The following RORA variants were observed in gnomAD, a reference collection of about 807,000 sequenced individuals.
The protein encoded by RORA is RAR related orphan receptor A, also known as nuclear receptor ROR-alpha.
RORA carries 7 observed loss-of-function variants against 69.5 expected under a neutral mutation model. The ratio of observed to expected loss-of-function variants is 0.10; its 90% CI spans 0.06 to 0.19. RORA has a LOEUF of 0.19. Ranked by LOEUF, RORA falls within the 10% of genes least tolerant of loss-of-function variation. The pLI is 1.00. For missense variants in RORA, 457 were observed against 663.0 expected, an observed-to-expected ratio of 0.69 and a Z score of 3.41; for synonymous variants, 261 against 240.8, an observed-to-expected ratio of 1.08 and a Z score of -0.78.
At chr15:61,060,448 T>C (rs2078167478) in intron 1 of RORA, among the ~76,000 whole-genome samples, 1 of 152,124 alleles carries the variant, frequency 6.6e-6, no homozygotes, top group Non-Finnish European at 1.5e-5. Context: ...GCACTTGCCA[T>C]GGGTGCCTTT....
intron 1 of RORA, among the ~76,000 whole-genome samples, chr15:60,790,727 T>C (rs866070650): frequency 2.0e-5 from 3 of 152,232 alleles, no homozygotes; most frequent in African/African-American, 4.8e-5. Flanking sequence ...TGCTTTGCTA[T>C]GTTAAGAATT....
intron 1 of RORA, among the ~76,000 whole-genome samples, chr15:61,102,210 G>A (rs1595988581): frequency 1.3e-5 from 2 of 152,204 alleles, no homozygotes; most frequent in Middle Eastern, 6.8e-3. Flanking sequence ...TGTCAGCAGG[G>A]TGCAGACACC....
intron 2 of RORA, among the ~76,000 whole-genome samples, chr15:60,675,356 A>G (rs867501353): frequency 2.0e-5 from 3 of 152,214 alleles, no homozygotes; most frequent in African/African-American, 7.2e-5. Context: ...AATCCCCAGG[A>G]AAATTAAATT....
intron 1 of RORA, among the ~76,000 whole-genome samples, chr15:61,089,785 T>C (rs960930602): frequency 6.6e-6 from 1 of 151,846 alleles, no homozygotes; most frequent in Non-Finnish European, 1.5e-5. Flanking sequence ...GTTTCCTGAG[T>C]TCCTCTGTAG....
intron 1 of RORA, among the ~76,000 whole-genome samples, chr15:60,821,659 C>T (rs765160566): frequency 2.0e-5 from 3 of 152,170 alleles, no homozygotes; most frequent in Non-Finnish European, 2.9e-5. Context: ...TCTTTGCATC[C>T]GTAGCAACTA....
In RORA at chr15:60,497,174, CCCT is replaced by C. The variant is rs776176456; in HGVS notation, c.*278_*280del. The C allele has an allele frequency of 4.2e-5, 12 of 285,528 alleles. No homozygotes were observed. Among genetic ancestry groups the C allele is most frequent in the African/African-American group, 2.4e-4 (11 of 45,866 alleles). 17.7% of individuals were successfully genotyped at this position (285,528 alleles called of 1,614,324 possible). A position where few individuals can be genotyped will look rare whatever the true frequency, so the allele number is the denominator to read the frequency against. ...AAAAGGAAATCCTCCGACTTTAGTACCCTCCTCCTGTTGTAAACAGAGGTCAAT... is the reference window on the plus strand; with the variant it reads ...AAAAGGAAATCCTCCGACTTTAGTACCCTCCTGTTGTAAACAGAGGTCAAT... On this transcript the variant is annotated 3_prime_UTR_variant, in exon 11 of 11. Transcript: ENST00000335670.
intron 1 of RORA, among the ~76,000 whole-genome samples, chr15:61,047,880 G>A (rs1897105964): frequency 6.6e-6 from 1 of 152,118 alleles, no homozygotes; most frequent in Admixed American, 6.6e-5. Flanking sequence ...CATTCAACAA[G>A]CATTTCTTGC....
chr15:60,777,536 G>A (rs2072187668), intron 1 of RORA, among the ~76,000 whole-genome samples: 1 of 152,116 alleles, frequency 6.6e-6, no homozygotes, highest in Non-Finnish European at 1.5e-5. Flanking sequence ...CTGATATTAA[G>A]ATGCTAAAAT....
intron 1 of RORA, among the ~76,000 whole-genome samples, chr15:60,923,849 G>A (rs1892123998): frequency 1.3e-5 from 2 of 152,200 alleles, no homozygotes; most frequent in South Asian, 4.1e-4. Context: ...CTTGCCATGT[G>A]CTAGCTGTGG....
chr15:60,923,352 T>G (rs546410152), intron 1 of RORA, among the ~76,000 whole-genome samples: 1 of 152,348 alleles, frequency 6.6e-6, no homozygotes, highest in South Asian at 2.1e-4. Flanking sequence ...GGCCTTCATT[T>G]TATTCATCTG....
intron 1 of RORA, among the ~76,000 whole-genome samples, chr15:60,831,135 T>C (rs1165260899): frequency 6.6e-6 from 1 of 152,248 alleles, no homozygotes; most frequent in Non-Finnish European, 1.5e-5. Flanking sequence ...CGCTCTCTTC[T>C]AATGAACAAC....
At chr15:60,798,008 C>A (rs1001871977) in intron 1 of RORA, among the ~76,000 whole-genome samples, 17 of 152,112 alleles carry the variant, frequency 1.1e-4, no homozygotes, top group African/African-American at 2.4e-5. Context: ...TGCCACAAGA[C>A]CAGCCCCAAC....
At chr15:60,991,017 G>A (rs1894360703) in intron 1 of RORA, among the ~76,000 whole-genome samples, 1 of 152,116 alleles carries the variant, frequency 6.6e-6, no homozygotes, top group Admixed American at 6.5e-5. Context: ...TTTCAAACTA[G>A]CAAGAGCCAA....
chr15:60,761,074 C>A (rs1407136850), intron 1 of RORA, among the ~76,000 whole-genome samples: 1 of 152,124 alleles, frequency 6.6e-6, no homozygotes, highest in Non-Finnish European at 1.5e-5. Context: ...TGGGCTCCTA[C>A]TAGCAAGATG....
intron 2 of RORA, among the ~76,000 whole-genome samples, chr15:60,532,233 C>G (rs1394266932): frequency 6.6e-6 from 1 of 152,156 alleles, no homozygotes; most frequent in African/African-American, 2.4e-5. Flanking sequence ...TCTGTCTTGG[C>G]TGAGCATTAC....
At chr15:61,077,038 G>A (rs1206092836) in intron 1 of RORA, among the ~76,000 whole-genome samples, 1 of 152,076 alleles carries the variant, frequency 6.6e-6, no homozygotes, top group Non-Finnish European at 1.5e-5. Context: ...CACTAAAACC[G>A]ATTTTGTTGC....
chr15:60,635,172 G>A (rs2069813161), intron 2 of RORA, among the ~76,000 whole-genome samples: 2 of 152,192 alleles, frequency 1.3e-5, no homozygotes, highest in Admixed American at 6.5e-5. Context: ...AAATGACGGT[G>A]GCCCTCAAAT....
At chr15:61,023,917 T>C (rs999229997) in intron 1 of RORA, among the ~76,000 whole-genome samples, 1 of 152,210 alleles carries the variant, frequency 6.6e-6, no homozygotes, top group Non-Finnish European at 1.5e-5. Flanking sequence ...CACTGATATA[T>C]AAAACCATGG....
intron 1 of RORA, among the ~76,000 whole-genome samples, chr15:60,685,903 CTTTT>C (rs973037864): frequency 6.6e-6 from 1 of 152,072 alleles, no homozygotes; most frequent in Admixed American, 6.6e-5. Flanking sequence ...TGGGAGGTTT[CTTTT>C]ATGTTCGATT....
Sources: allele counts gnomAD v4.1 joint callset (sites outside exome capture counted in the v4.1 genomes callset), GRCh38; gene constraint gnomAD v4.1.1; transcripts MANE v1.5; gene names NCBI Gene and HGNC (gene_info 2026-07-23, HGNC 2026-07-21).